The following CHD6 variants were observed in gnomAD, a reference collection of about 807,000 sequenced individuals.
CHD6 encodes ATP-dependent chromatin remodeler CHD6.
CHD6 carries 50 observed loss-of-function variants against 276.9 expected under a neutral mutation model. The ratio of observed to expected loss-of-function variants is 0.18; its 90% confidence interval spans 0.14 to 0.23. The LOEUF (loss-of-function observed/expected upper bound fraction) is 0.23. Among genes scored for constraint, CHD6 ranks in the 10% least tolerant of loss-of-function variants. The probability of loss-of-function intolerance (pLI) is 1.00; values close to 1 mark genes in which losing one functional copy is unlikely to be tolerated. For synonymous variants in CHD6, 1,173 were observed against 1,229.3 expected, an observed-to-expected ratio of 0.95 and a Z score of 0.96; for missense variants, 2,564 against 3,365.8, an observed-to-expected ratio of 0.76 and a Z score of 5.89.
intron 8 of CHD6, among the ~76,000 whole-genome samples, chr20:41,494,878 A>T (rs188961719): frequency 6.6e-6 from 1 of 152,182 alleles, no homozygotes; most frequent in Non-Finnish European, 1.5e-5. Context: ...CTTTATCTCT[A>T]CCTCTTTAGG....
chr20:41,610,298 G>A (rs939568891), intron 1 of CHD6, among the ~76,000 whole-genome samples: 3 of 152,118 alleles, frequency 2.0e-5, no homozygotes, highest in Non-Finnish European at 4.4e-5. Flanking sequence ...CCATTTACAA[G>A]TAGATGGGGA....
At chr20:41,606,204 C>A (rs529910643) in intron 1 of CHD6, among the ~76,000 whole-genome samples, 5 of 151,972 alleles carry the variant, frequency 3.3e-5, no homozygotes, top group East Asian at 1.9e-4. Flanking sequence ...GGTGAAACCC[C>A]GTCTCTACTA....
intron 3 of CHD6, among the ~76,000 whole-genome samples, chr20:41,528,120 ATTTC>A (rs1395267436): frequency 6.6e-6 from 1 of 152,206 alleles, no homozygotes; most frequent in Non-Finnish European, 1.5e-5. Flanking sequence ...CTAATAAGAA[ATTTC>A]TTTCTCAAAT....
At chr20:41,559,429 A>T (rs1436548001) in intron 1 of CHD6, among the ~76,000 whole-genome samples, 1 of 152,166 alleles carries the variant, frequency 6.6e-6, no homozygotes, top group Non-Finnish European at 1.5e-5. Flanking sequence ...TTACTTCCCT[A>T]AAGCTGTTCT....
At chr20:41,597,734 T>TC (rs1601182598) in intron 1 of CHD6, among the ~76,000 whole-genome samples, 2 of 152,158 alleles carry the variant, frequency 1.3e-5, no homozygotes, top group South Asian at 2.1e-4. Context: ...CTTTTTTTTT[T>TC]CCTCTTCTCT....
rs373733112 is a variant in CHD6, at chr20:41,580,645, C to CAA, written c.-23-29287_-23-29286dup. ...TGGGTGACACAGTGAAACCCAGTCT[C>CAA]AAAAAAAAAAAAAAAAAGGAAAAGA... On this transcript the variant is annotated intron_variant, in intron 1 of 36. Transcript: ENST00000373233. Among the ~76,000 whole-genome samples the CAA allele has an allele frequency of 8.1e-3, 561 of 69,262 alleles. 11 individuals are homozygous for CAA. The highest frequency in any genetic ancestry group is 0.027 in the Middle Eastern group (3 of 110). 45.4% of individuals were successfully genotyped at this position (69,262 alleles called of 152,430 possible).
chr20:41,599,133 G>A (rs918627368), intron 1 of CHD6, among the ~76,000 whole-genome samples: 1 of 152,216 alleles, frequency 6.6e-6, no homozygotes, highest in East Asian at 1.9e-4. Flanking sequence ...ACAGCAGTTT[G>A]TCAATTATAC....
chr20:41,547,640 G>A, intron 2 of CHD6: 1 of 680,678 alleles, frequency 1.5e-6, no homozygotes, highest in Non-Finnish European at 2.5e-6. Context: ...AGATTGAGGT[G>A]GTACCTTCTG....
intron 10 of CHD6, among the ~76,000 whole-genome samples, chr20:41,492,729 C>T (rs1203307808): frequency 6.6e-6 from 1 of 152,192 alleles, no homozygotes; most frequent in African/African-American, 2.4e-5. Context: ...TCAAGACGAG[C>T]TTAACATGGT....
chr20:41,477,882 A>C (rs1337655872), intron 16 of CHD6, among the ~76,000 whole-genome samples: 1 of 152,194 alleles, frequency 6.6e-6, no homozygotes, highest in Non-Finnish European at 1.5e-5. Context: ...CACCTACCCC[A>C]GCCTTGAAGA....
chr20:41,602,972 C>A (rs987931546), intron 1 of CHD6, among the ~76,000 whole-genome samples: 1 of 152,086 alleles, frequency 6.6e-6, no homozygotes, highest in Non-Finnish European at 1.5e-5. Context: ...CATGAGCCAC[C>A]GTGCCTGGCC....
chr20:41,541,682 G>C (rs2044945089), intron 2 of CHD6, among the ~76,000 whole-genome samples: 1 of 152,236 alleles, frequency 6.6e-6, no homozygotes, highest in Non-Finnish European at 1.5e-5. Flanking sequence ...GCCTGAAGAA[G>C]AGAGCATTTC....
At chr20:41,554,939 A>G (rs1325591040) in intron 1 of CHD6, among the ~76,000 whole-genome samples, 21 of 151,432 alleles carry the variant, frequency 1.4e-4, no homozygotes, top group Admixed American at 1.4e-3. Flanking sequence ...GGGGCTCCTC[A>G]CTTCCCAGTA....
At chr20:41,590,940 G>A (rs374921054) in intron 1 of CHD6, among the ~76,000 whole-genome samples, 1 of 151,304 alleles carries the variant, frequency 6.6e-6, no homozygotes, top group African/African-American at 2.4e-5. Context: ...ATTCACAATA[G>A]CAAAGATTTG....
At position 41,426,154 on chromosome 20, in the gene CHD6, C is replaced by T; in HGVS notation, c.4069-1G>A. 6.2e-7 allele frequency: 1 copy of T among 1,611,664 alleles called. No homozygotes were observed. ...CATCACCTCCATCACTGGAACTCTC[C>T]TAGGGATAAATAAAGCCATCCCATC... is the stretch of plus-strand genomic sequence containing the variant. On this transcript the variant is annotated splice_acceptor_variant, in intron 27 of 36. Transcript: ENST00000373233. LOFTEE classifies it high-confidence loss of function.
In CHD6 at chr20:41,497,375, T is replaced by C. The variant is rs997707369; in HGVS notation, c.1092+9A>G. 9 of 1,556,232 alleles carry C rather than the reference T, an allele frequency of 5.8e-6. No individual in the cohort carries two copies. Among genetic ancestry groups the C allele is most frequent in the Admixed American group, 1.7e-5 (1 of 59,924 alleles). On this transcript the variant is annotated intron_variant, in intron 8 of 36. Transcript: ENST00000373233. ...CAGCAGTCAAATGAGTCAGTAAATA[T>C]TGCTTCACCTCCGTAAAAATGTGCT... is the stretch of plus-strand genomic sequence containing the variant.
At chr20:41,609,575 T>C (rs1289307476) in intron 1 of CHD6, among the ~76,000 whole-genome samples, 2 of 152,210 alleles carry the variant, frequency 1.3e-5, no homozygotes, top group East Asian at 3.8e-4. Context: ...TGCTGCATTA[T>C]AAATTTTGCT....
intron 1 of CHD6, among the ~76,000 whole-genome samples, chr20:41,610,234 A>G (rs951506856): frequency 6.6e-6 from 1 of 152,174 alleles, no homozygotes; most frequent in Non-Finnish European, 1.5e-5. Flanking sequence ...ATTTTGATGA[A>G]TATACTACAA....
In CHD6 at chr20:41,490,437, A is replaced by G. The variant is rs571406282; in HGVS notation, c.1437-416T>C. On this transcript the variant is annotated intron_variant, in intron 11 of 36. Coordinates refer to ENST00000373233, the MANE Select transcript of CHD6 (RefSeq NM_032221.5). ...GCAGTGAATACCGTAGGCAATTGTA[A>G]CACCATAGTAAGTATTTGTGTATCT... 1.8e-4 allele frequency among the ~76,000 whole-genome samples: 28 copies of G among 152,350 alleles called. No homozygotes were observed. The South Asian group carries it at 5.8e-3, about 32-fold the overall frequency.
Sources: gnomAD v4.1 joint callset for allele counts (sites outside exome capture counted in the v4.1 genomes callset) on GRCh38, gnomAD v4.1.1 for gene constraint, MANE v1.5 for transcripts, NCBI Gene and HGNC (gene_info 2026-07-23, HGNC 2026-07-21) for gene names.